The following CD96 variants were observed in gnomAD, a reference collection of about 807,000 sequenced individuals.
CD96 encodes CD96 molecule.
In CD96, 70 loss-of-function variants were observed where a neutral mutation model predicts 71.3. The ratio of observed to expected loss-of-function variants is 0.98; its 90% CI spans 0.81 to 1.20. The LOEUF (loss-of-function observed/expected upper bound fraction) is 1.20, where lower values mean the gene tolerates loss of function less well. Ranked by LOEUF, CD96 falls within the 50% of genes most tolerant of loss-of-function variation. The pLI, the probability that CD96 is intolerant of heterozygous loss-of-function variation, is 0.00. For synonymous variants in CD96, 248 were observed against 233.0 expected (o/e 1.06, Z -0.59); for missense variants, 742 against 677.5 (o/e 1.10, Z -1.06).
At chr3:111,564,147 A>T (rs1935591377) in intron 2 of CD96, among the ~76,000 whole-genome samples, 1 of 152,080 alleles carries the variant, frequency 6.6e-6, no homozygotes, top group African/African-American at 2.4e-5. Context: ...TTTGCAGTAT[A>T]ATCGTTTAAT....
rs576495092 is a variant in CD96, at chr3:111,607,070, T to C, written c.1180+278T>C. ...CATTTTCATCATCTAATAAAGAAAC[T>C]CCTAAACATATTAAAGTATCATTCT... is the stretch of plus-strand genomic sequence containing the variant. On this transcript the variant is annotated intron_variant, in intron 8 of 13. Coordinates refer to ENST00000352690, the MANE Select transcript of CD96 (RefSeq NM_005816.5). The C allele has an allele frequency of 2.3e-5, 11 of 479,266 alleles. No individual in the cohort carries two copies. In the East Asian group the frequency reaches 3.5e-4, roughly 15 times the overall value. 29.7% of individuals were successfully genotyped at this position (479,266 alleles called of 1,614,324 possible).
chr3:111,566,276 G>C (rs1012313784), intron 2 of CD96, among the ~76,000 whole-genome samples: 2 of 151,798 alleles, frequency 1.3e-5, no homozygotes, highest in African/African-American at 4.8e-5. Flanking sequence ...TAGCTGAATG[G>C]TCAGAAGAAA....
chr3:111,556,715 T>A (rs563920448), intron 2 of CD96, among the ~76,000 whole-genome samples: 2 of 148,378 alleles, frequency 1.3e-5, no homozygotes, highest in Non-Finnish European at 3.0e-5. Context: ...TTTGGGTATA[T>A]ACCCAGTAAT....
chr3:111,552,341 G>A (rs1019296417), intron 2 of CD96, among the ~76,000 whole-genome samples: 1 of 151,982 alleles, frequency 6.6e-6, no homozygotes. Flanking sequence ...TCCTCCCTCC[G>A]AGGATGCAGC....
chr3:111,560,783 G>A (rs1935349687), intron 2 of CD96, among the ~76,000 whole-genome samples: 1 of 36,430 alleles, frequency 2.7e-5, no homozygotes, highest in African/African-American at 1.6e-4. Flanking sequence ...AAGTTCTCCT[G>A]GATAATATCC....
At chr3:111,615,607 C>T (rs1273394564) in intron 8 of CD96, among the ~76,000 whole-genome samples, 13 of 151,908 alleles carry the variant, frequency 8.6e-5, no homozygotes, top group Non-Finnish European at 1.6e-4. Context: ...TGTGTGTCTG[C>T]GTGCATGTGT....
At chr3:111,598,290 G>A in intron 6 of CD96, 80 bp downstream of exon 6, 1 of 761,296 alleles carries the variant, frequency 1.3e-6, no homozygotes, top group Non-Finnish European at 2.4e-6. Flanking sequence ...CATTGCCCAA[G>A]TTGATCTTGG....
chr3:111,602,278 A>G lies in CD96; in HGVS notation c.1087+1364A>G, dbSNP rs1242774287. On this transcript the variant is annotated intron_variant, in intron 7 of 13. Coordinates refer to ENST00000352690, the MANE Select transcript of CD96 (RefSeq NM_005816.5). Reference sequence around the variant, plus strand: ...TAGGTAGAACCATGTCTGTAAAACTAATATTTTCTGATGTTAAAACAGTGC... The same window carrying G: ...TAGGTAGAACCATGTCTGTAAAACTGATATTTTCTGATGTTAAAACAGTGC... Among the ~76,000 whole-genome samples, 4 of 152,206 alleles carry G rather than the reference A, an allele frequency of 2.6e-5. No homozygotes were observed. The East Asian group carries it at 5.8e-4, about 22-fold the overall frequency.
chr3:111,556,692 T>C (rs1028249206), intron 2 of CD96, among the ~76,000 whole-genome samples: 1 of 144,782 alleles, frequency 6.9e-6, no homozygotes, highest in Non-Finnish European at 1.5e-5. Context: ...TATAGCAGCA[T>C]GATTTATAGT....
intron 5 of CD96, among the ~76,000 whole-genome samples, chr3:111,589,110 C>G (rs1192569845): frequency 6.6e-6 from 1 of 152,046 alleles, no homozygotes; most frequent in African/African-American, 2.4e-5. Flanking sequence ...GCCACCATGC[C>G]TGGCTAATTT....
At chr3:111,639,611 C>G (rs986133825) in intron 12 of CD96, among the ~76,000 whole-genome samples, 7 of 152,152 alleles carry the variant, frequency 4.6e-5, no homozygotes, top group African/African-American at 1.7e-4. Flanking sequence ...ACCACCAGTC[C>G]CTCTCCAGAC....
chr3:111,636,028 A>T (rs543609604), intron 10 of CD96, among the ~76,000 whole-genome samples: 5 of 152,346 alleles, frequency 3.3e-5, no homozygotes, highest in African/African-American at 1.2e-4. Flanking sequence ...GTCCATCATC[A>T]TCAATAGACC....
At chr3:111,607,738 T>A (rs1330918113) in intron 8 of CD96, among the ~76,000 whole-genome samples, 1 of 152,192 alleles carries the variant, frequency 6.6e-6, no homozygotes, top group Non-Finnish European at 1.5e-5. Context: ...TCTCAGAAAA[T>A]GAAGCAAGTG....
At position 111,600,901 on chromosome 3, in the gene CD96, C is replaced by A; in HGVS notation, c.1074C>A (p.Ile358=). 6.2e-7 allele frequency: 1 copy of A among 1,604,540 alleles called. No individual in the cohort carries two copies. Among genetic ancestry groups the A allele is most frequent in the Non-Finnish European group, 8.5e-7 (1 of 1,171,464 alleles). The change falls in exon 7 of 14, where the codon ATC becomes ATA. Residue 358 remains isoleucine, a synonymous_variant. Transcript: ENST00000352690. ...TGTGGAACATCTCATCAGAAAAGAT[C>A]ACTTTTCTCTTAGGTGAGTTGTCTA... ...NKVWNISSEK[I]TFLLGSEISS... is the part of the protein sequence containing the mutation.
chr3:111,653,406 G>T (rs776943303), downstream of CD96, among the ~76,000 whole-genome samples: 3 of 152,154 alleles, frequency 2.0e-5, no homozygotes, highest in East Asian at 5.8e-4. Flanking sequence ...TAGCTCATAC[G>T]TAAGTGCCTA....
At chr3:111,604,385 G>T (rs1486316436) in intron 7 of CD96, among the ~76,000 whole-genome samples, 1 of 152,140 alleles carries the variant, frequency 6.6e-6, no homozygotes, top group Non-Finnish European at 1.5e-5. Flanking sequence ...TTTGGGTTTT[G>T]GGAAACTGTC....
At chr3:111,637,096 CATT>C (rs1939364823) in intron 10 of CD96, 97 bp from the exon 11 acceptor site, 1 of 733,342 alleles carries the variant, frequency 1.4e-6, no homozygotes, top group Non-Finnish European at 2.5e-6. Context: ...TTTATGTACT[CATT>C]AATATCCTTT....
At chr3:111,542,788 G>C (rs1168417677) in intron 1 of CD96, among the ~76,000 whole-genome samples, 2 of 152,150 alleles carry the variant, frequency 1.3e-5, no homozygotes, top group Non-Finnish European at 2.9e-5. Context: ...TTGAAAACAC[G>C]TTGAATTTTA....
intron 8 of CD96, among the ~76,000 whole-genome samples, chr3:111,612,307 G>A (rs1036251546): frequency 6.6e-6 from 1 of 152,208 alleles, no homozygotes; most frequent in Non-Finnish European, 1.5e-5. Context: ...GGAGAGTGCT[G>A]CAACAGAGGC....
Sources: allele counts gnomAD v4.1 joint callset (sites outside exome capture counted in the v4.1 genomes callset), GRCh38; gene constraint gnomAD v4.1.1; transcripts MANE v1.5; gene names NCBI Gene and HGNC (gene_info 2026-07-23, HGNC 2026-07-21).